The following CRIM1 variants were observed in gnomAD, a reference collection of about 807,000 sequenced individuals.
CRIM1 encodes the protein cysteine rich transmembrane BMP regulator 1.
A neutral mutation model predicts 116.4 loss-of-function variants in CRIM1; 32 were observed. That is an observed-to-expected ratio of 0.27 (90% CI 0.21 to 0.37). The LOEUF (loss-of-function observed/expected upper bound fraction) is 0.37, where lower values mean the gene tolerates loss of function less well. CRIM1 is among the 10% of genes least tolerant of loss of function. The pLI is 1.00. For missense variants in CRIM1, 1,331 were observed against 1,354.8 expected (o/e 0.98, Z 0.28); for synonymous variants, 590 against 509.2 (o/e 1.16, Z -2.13).
At chr2:36,406,965 T>G (rs1672856051) in intron 2 of CRIM1, among the ~76,000 whole-genome samples, 1 of 152,168 alleles carries the variant, frequency 6.6e-6, no homozygotes, top group Non-Finnish European at 1.5e-5. Flanking sequence ...AGGTTTTTCC[T>G]GACATGAGCA....
At chr2:36,531,048 C>T (rs767652164) in intron 13 of CRIM1, among the ~76,000 whole-genome samples, 3 of 152,188 alleles carry the variant, frequency 2.0e-5, no homozygotes, top group Admixed American at 6.5e-5. Context: ...ACTGTGTTGG[C>T]TTGTTTTGCA....
Position 36,476,892 on chromosome 2 carries a change from C to T in CRIM1, c.995C>T (p.Thr332Ile), listed in dbSNP as rs772828777. The change falls in exon 6 of 17, where the codon ACA becomes ATA. Residue 332 changes from threonine to isoleucine, a missense_variant. Thr to Ile is a moderately conservative substitution (Grantham distance 89, BLOSUM62 -1). This residue lies in a region of CRIM1 where 690 missense variants were observed against 676.0 expected (regional missense o/e 1.02). Transcript: ENST00000280527. ...TGTTTGTTTTAACTCTTTTCAGATACAAAGCCAGCCTGCGTATTTAACAAT... is the reference window on the plus strand; with the variant it reads ...TGTTTGTTTTAACTCTTTTCAGATATAAAGCCAGCCTGCGTATTTAACAAT... ...CCDVFECVND[T>I]KPACVFNNVE... 9 of 1,609,032 alleles carry T rather than the reference C, an allele frequency of 5.6e-6. No individual in the cohort carries two copies. Among genetic ancestry groups the T allele is most frequent in the Admixed American group, 1.7e-5 (1 of 59,212 alleles).
chr2:36,394,624 C>T (rs988696157), intron 1 of CRIM1, among the ~76,000 whole-genome samples: 9 of 151,304 alleles, frequency 5.9e-5, no homozygotes, highest in Non-Finnish European at 1.3e-4. Flanking sequence ...ATATATAAAA[C>T]ATATATATAT....
Position 36,442,648 on chromosome 2 carries a change from C to T in CRIM1, c.782C>T (p.Pro261Leu), listed in dbSNP as rs776827345. The T allele has an allele frequency of 2.5e-6, 4 of 1,614,146 alleles. No individual in the cohort carries two copies. Among genetic ancestry groups the T allele is most frequent in the Non-Finnish European group, 2.5e-6 (3 of 1,180,026 alleles). Residue 261 changes from proline to leucine, a missense_variant, in exon 4 of 17, where the codon CCT becomes CTT. By Grantham distance (98) the Pro-to-Leu change is moderately conservative. Coordinates refer to ENST00000280527, the MANE Select transcript of CRIM1 (RefSeq NM_016441.3). ...FGVDCRTVEC[P>L]PVQQTACPPD... ...GTGGACTGCAGGACTGTGGAATGCC[C>T]TCCTGTTCAGCAGACCGCGTGTCCC...
rs74476739 is a variant in CRIM1 at position 36,387,938 on chromosome 2, T to A, written c.332-8676T>A. On this transcript the variant is annotated intron_variant, in intron 1 of 16. Transcript: ENST00000280527. ...TTACTCTGTTGCTCTTTTTTCAAGT[T>A]GGATGCTTAGTTCATTCTTTTTTTT... is the stretch of plus-strand genomic sequence containing the variant. Among the ~76,000 whole-genome samples the A allele has an allele frequency of 7.1e-3, 1,087 of 152,278 alleles. 40 individuals carry two copies. In the East Asian group the frequency reaches 0.08, roughly 11 times the overall value.
chr2:36,537,280 A>G, intron 13 of CRIM1, 72 bp from the exon 14 acceptor site: 1 of 1,370,342 alleles, frequency 7.3e-7, no homozygotes, highest in Non-Finnish European at 1.0e-6. Context: ...CTATCCCTTG[A>G]TCTCTCACGT....
chr2:36,361,581 T>C (rs898347304), intron 1 of CRIM1, among the ~76,000 whole-genome samples: 12 of 152,190 alleles, frequency 7.9e-5, no homozygotes, highest in African/African-American at 2.9e-4. Context: ...AGGGAAAATA[T>C]TGAATTCATC....
rs148132590 is a variant in CRIM1 at position 36,533,417 on chromosome 2, C to T, written c.2429-3935C>T. Among the ~76,000 whole-genome samples, 38 of 134,824 alleles carry T rather than the reference C, an allele frequency of 2.8e-4. 1 individual carries two copies. Among genetic ancestry groups the T allele is most frequent in the African/African-American group, 1.1e-3 (37 of 34,428 alleles). The allele number at this position is 134,824 out of a possible 152,430, so 88.4% of individuals were successfully genotyped here. Reference sequence around the variant, plus strand: ...CAGCCTGGCCAACACAATGAGACCCCATCTCCACAAAAAAAAAAAAAAAAA... The same window carrying T: ...CAGCCTGGCCAACACAATGAGACCCTATCTCCACAAAAAAAAAAAAAAAAA... On this transcript the variant is annotated intron_variant, in intron 13 of 16. Coordinates refer to ENST00000280527, the MANE Select transcript of CRIM1 (RefSeq NM_016441.3).
chr2:36,395,810 G>T (rs887046292), intron 1 of CRIM1, among the ~76,000 whole-genome samples: 1 of 152,128 alleles, frequency 6.6e-6, no homozygotes, highest in Non-Finnish European at 1.5e-5. Flanking sequence ...CATTAGAGGG[G>T]ATCCCCTCCA....
At chr2:36,360,464 A>C (rs571756353) in intron 1 of CRIM1, among the ~76,000 whole-genome samples, 1 of 152,188 alleles carries the variant, frequency 6.6e-6, no homozygotes, top group African/African-American at 2.4e-5. Context: ...TCAGAACGCA[A>C]TCCTCCTTTT....
At chr2:36,531,542 T>C (rs1010342909) in intron 13 of CRIM1, among the ~76,000 whole-genome samples, 4 of 152,164 alleles carry the variant, frequency 2.6e-5, no homozygotes, top group African/African-American at 9.7e-5. Context: ...GTTCTAGATT[T>C]TCCCTAGCTG....
rs563103729 is a variant in CRIM1 at position 36,355,797 on chromosome 2, C to A, written c.-496C>A. 3 of 151,764 alleles carry A rather than the reference C, an allele frequency of 2.0e-5. No homozygotes were observed. The highest frequency in any genetic ancestry group is 7.3e-5 in the African/African-American group (3 of 41,348). 9.4% of individuals were successfully genotyped at this position (151,764 alleles called of 1,614,324 possible). A position where few individuals can be genotyped will look rare whatever the true frequency, so the allele number is the denominator to read the frequency against. On this transcript the variant is annotated 5_prime_UTR_variant, in exon 1 of 17. Transcript: ENST00000280527. ...CGGCGCAGGAGTGAGGCGAGCGGGG[C>A]GCGCGGAGCGGACGCCGCGGATCTT... is the stretch of plus-strand genomic sequence containing the variant.
intron 14 of CRIM1, among the ~76,000 whole-genome samples, chr2:36,539,189 G>T (rs976258723): frequency 2.0e-5 from 3 of 152,112 alleles, no homozygotes; most frequent in Admixed American, 1.3e-4. Flanking sequence ...TATGTAGAAT[G>T]GTCAGGGAGC....
chr2:36,380,735 T>C (rs2148333900), intron 1 of CRIM1, among the ~76,000 whole-genome samples: 1 of 152,312 alleles, frequency 6.6e-6, no homozygotes, highest in African/African-American at 2.4e-5. Flanking sequence ...CAAAAAATCA[T>C]CAGACTTTGA....
chr2:36,406,309 T>C (rs1672789852), intron 2 of CRIM1, among the ~76,000 whole-genome samples: 1 of 152,122 alleles, frequency 6.6e-6, no homozygotes, highest in African/African-American at 2.4e-5. Context: ...TTTTATAAGG[T>C]TTATGAAGTT....
intron 8 of CRIM1, among the ~76,000 whole-genome samples, chr2:36,508,498 C>T (rs768397357): frequency 1.3e-5 from 2 of 152,094 alleles, no homozygotes; most frequent in Admixed American, 6.6e-5. Context: ...GCTTAAAGGA[C>T]GGCCAGATAA....
At chr2:36,541,809 A>G (rs552659225) in intron 14 of CRIM1, among the ~76,000 whole-genome samples, 1 of 152,284 alleles carries the variant, frequency 6.6e-6, no homozygotes, top group East Asian at 1.9e-4. Flanking sequence ...CAACAGCTGT[A>G]AAGGGCTCTT....
intron 7 of CRIM1, among the ~76,000 whole-genome samples, chr2:36,480,514 C>G (rs887894178): frequency 6.6e-6 from 1 of 152,154 alleles, no homozygotes; most frequent in African/African-American, 2.4e-5. Flanking sequence ...ATGGATCTTT[C>G]TAGAATTTCT....
intron 5 of CRIM1, among the ~76,000 whole-genome samples, chr2:36,475,741 G>T (rs1285059064): frequency 1.3e-5 from 2 of 152,172 alleles, no homozygotes; most frequent in African/African-American, 4.8e-5. Context: ...TTATCAAGTT[G>T]AGGAAGTTCC....
Sources: allele counts gnomAD v4.1 joint callset (sites outside exome capture counted in the v4.1 genomes callset), GRCh38; gene constraint gnomAD v4.1.1; regional missense constraint gnomAD v4.1.1; transcripts MANE v1.5; gene names NCBI Gene and HGNC (gene_info 2026-07-23, HGNC 2026-07-21).